SNX31: variants seen among roughly 807,000 people sequenced by gnomAD.
The protein encoded by SNX31 is sorting nexin-31.
A neutral mutation model predicts 65.4 loss-of-function variants in SNX31; 58 were observed. The observed-to-expected ratio is 0.89, with a 90% confidence interval of 0.72 to 1.10. SNX31 has a LOEUF of 1.10. SNX31 is among the 50% of genes least tolerant of loss of function. SNX31 has a pLI of 0.00. For synonymous variants in SNX31, 181 were observed against 190.1 expected, an observed-to-expected ratio of 0.95 and a Z score of 0.39; for missense variants, 523 against 529.7, an observed-to-expected ratio of 0.99 and a Z score of 0.12.
At chr8:100,581,937 C>T (rs1000008949) in intron 12 of SNX31, among the ~76,000 whole-genome samples, 21 of 152,030 alleles carry the variant, frequency 1.4e-4, no homozygotes, top group Admixed American at 1.0e-3. Flanking sequence ...AGATAAAATT[C>T]GAGATTAAAA....
chr8:100,649,194 C>T lies in SNX31; in HGVS notation c.141+80G>A, dbSNP rs1819855352. On this transcript the variant is annotated intron_variant, in intron 2 of 13. Transcript: ENST00000311812. Reference sequence around the variant, plus strand: ...GAAAGGCCCAGTGTCTTGCCAGAGTCAGAGGAACAGAGCGCTTTGGGGACA... The same window carrying T: ...GAAAGGCCCAGTGTCTTGCCAGAGTTAGAGGAACAGAGCGCTTTGGGGACA... 7.0e-6 allele frequency: 10 copies of T among 1,425,038 alleles called. No homozygotes were observed. In the Admixed American group the frequency reaches 1.0e-4, roughly 15 times the overall value. The allele number at this position is 1,425,038 out of a possible 1,614,324, so 88.3% of individuals were successfully genotyped here.
chr8:100,597,040 T>A (rs1815163103), intron 9 of SNX31, among the ~76,000 whole-genome samples, 198 bp from the exon 10 acceptor site: 1 of 152,152 alleles, frequency 6.6e-6, no homozygotes. Flanking sequence ...CGGGGGAAAT[T>A]CATGGAGTGT....
At chr8:100,653,696 C>T (rs1175018069), upstream of SNX31, among the ~76,000 whole-genome samples, 1 of 152,210 alleles carries the variant, frequency 6.6e-6, no homozygotes, top group Non-Finnish European at 1.5e-5. Flanking sequence ...TCGTAAGCCA[C>T]CCAGTTTGAG....
At chr8:100,595,601 G>T (rs1200636277) in intron 10 of SNX31, among the ~76,000 whole-genome samples, 1 of 152,192 alleles carries the variant, frequency 6.6e-6, no homozygotes, top group African/African-American at 2.4e-5. Flanking sequence ...TAGGGTCAGA[G>T]AAAGAGAAAA....
rs994244359 is a variant in SNX31 at position 100,609,434 on chromosome 8, C to G, written c.612-871G>C. Among the ~76,000 whole-genome samples the G allele has an allele frequency of 6.6e-6, 1 of 152,196 alleles. No homozygotes were observed. ...TGTGAAGAACCCCAAGGCCAGGGGC[C>G]TATCCAGAGTTGCCCCTCTGAATCT... On this transcript the variant is annotated intron_variant, in intron 7 of 13. Coordinates refer to ENST00000311812, the MANE Select transcript of SNX31 (RefSeq NM_152628.4). The surrounding 1 kb of genome is among the most constrained non-coding windows in gnomAD (Gnocchi z 4.9).
At position 100,626,190 on chromosome 8, in the gene SNX31, T is replaced by A; in HGVS notation, c.321+4137A>T. Among the ~76,000 whole-genome samples, 1 of 152,160 alleles carries A rather than the reference T, an allele frequency of 6.6e-6. No individual in the cohort carries two copies. The highest frequency in any genetic ancestry group is 1.9e-4 in the East Asian group (1 of 5,200). ...GTGACTACCTCATATCTATTAACAT[T>A]GTGCCGGATGATATGCTTTAAGGGT... On this transcript the variant is annotated intron_variant, in intron 4 of 13. Coordinates refer to ENST00000311812, the MANE Select transcript of SNX31 (RefSeq NM_152628.4). The surrounding 1 kb of genome is among the most constrained non-coding windows in gnomAD (Gnocchi z 4.4).
At position 100,630,375 on chromosome 8, in the gene SNX31, G is replaced by A. The variant is rs774524193; in HGVS notation, c.273C>T (p.Asn91=). The change falls in exon 4 of 14, where the codon AAC becomes AAT. Residue 91 remains asparagine, a synonymous_variant. Transcript: ENST00000311812. The surrounding 1 kb of genome is among the most constrained non-coding windows in gnomAD (Gnocchi z 5.3). ...CAACGAAGACATCACTTCTCAACAC[G>A]TTTGGGTCCATGGTTACTGAAAAAC... ...QYLQNVTMDP[N]VLRSDVFVEF... is the part of the protein sequence containing the mutation. The A allele has an allele frequency of 6.2e-7, 1 of 1,613,248 alleles. No homozygotes were observed. Among genetic ancestry groups the A allele is most frequent in the African/African-American group, 1.3e-5 (1 of 74,860 alleles).
chr8:100,650,649 C>T (rs202069062), upstream of SNX31, among the ~76,000 whole-genome samples: 2 of 152,238 alleles, frequency 1.3e-5, no homozygotes, highest in East Asian at 3.9e-4. Flanking sequence ...TATGCTATGC[C>T]ATTTAATTTT....
chr8:100,612,358 C>T lies in SNX31; in HGVS notation c.524-271G>A, dbSNP rs1004847072. Among the ~76,000 whole-genome samples the T allele has an allele frequency of 2.0e-5, 3 of 152,088 alleles. No individual in the cohort carries two copies. Among genetic ancestry groups the T allele is most frequent in the East Asian group, 1.9e-4 (1 of 5,188 alleles). The stretch of plus-strand genomic sequence containing the variant: ...TAGATCCGGAGACATCCAGCGCCTT[C>T]GCAGCTCACCGCAGGGCCTAGCAGC... On this transcript the variant is annotated intron_variant, in intron 6 of 13. Transcript: ENST00000311812. This position sits in a 1 kb window ranked among gnomAD's most constrained non-coding sequence, Gnocchi z 4.3.
Position 100,595,615 on chromosome 8 carries a change from A to C in SNX31, c.978+1024T>G, listed in dbSNP as rs1211997174. On this transcript the variant is annotated intron_variant, in intron 10 of 13. Coordinates refer to ENST00000311812, the MANE Select transcript of SNX31 (RefSeq NM_152628.4). ...GTAGGGTCAGAGAAAGAGAAAAGTC[A>C]GAGATAACTTCAAGATTTCTGGTTT... Among the ~76,000 whole-genome samples the C allele has an allele frequency of 2.0e-5, 3 of 152,216 alleles. No individual in the cohort carries two copies. In the East Asian group the frequency reaches 5.8e-4, roughly 29 times the overall value.
chr8:100,586,119 C>T (rs542155972), intron 11 of SNX31, among the ~76,000 whole-genome samples: 1 of 152,282 alleles, frequency 6.6e-6, no homozygotes, highest in African/African-American at 2.4e-5. Context: ...TGGTGTTTCA[C>T]CATGTTGGCC....
chr8:100,577,188 G>A, intron 12 of SNX31, 113 bp from the exon 13 acceptor site: 2 of 889,396 alleles, frequency 2.2e-6, no homozygotes, highest in Non-Finnish European at 1.8e-6. Context: ...TCGTCCCAAA[G>A]GCTGCCGGTC....
intron 9 of SNX31, 32 bp from the exon 10 acceptor site, chr8:100,596,874 G>A: frequency 1.3e-6 from 2 of 1,596,426 alleles, no homozygotes; most frequent in Non-Finnish European, 1.7e-6. Context: ...GGGGGGAGGG[G>A]AGGCAAGAGG....
intron 3 of SNX31, among the ~76,000 whole-genome samples, chr8:100,631,438 T>C (rs1158354433): frequency 5.4e-5 from 3 of 55,530 alleles, no homozygotes; most frequent in Admixed American, 1.7e-4. Flanking sequence ...GCTGTTTTAC[T>C]TTTTTTTTTT....
At chr8:100,627,543 A>T (rs1818125162) in intron 4 of SNX31, among the ~76,000 whole-genome samples, 1 of 152,166 alleles carries the variant, frequency 6.6e-6, no homozygotes, top group Admixed American at 6.5e-5. Flanking sequence ...ACGTCAATTT[A>T]AAAAAATTTT....
Position 100,593,169 on chromosome 8 carries a change from G to A in SNX31, c.978+3470C>T, listed in dbSNP as rs552250039. The stretch of plus-strand genomic sequence containing the variant: ...CCATTGAATCGTATACTTTATATGG[G>A]TGAATTGTATGGTATGTGAATTATA... On this transcript the variant is annotated intron_variant, in intron 10 of 13. Coordinates refer to ENST00000311812, the MANE Select transcript of SNX31 (RefSeq NM_152628.4). Among the ~76,000 whole-genome samples the A allele has an allele frequency of 2.6e-5, 4 of 152,262 alleles. No individual in the cohort carries two copies. The South Asian group carries it at 8.3e-4, about 32-fold the overall frequency.
In SNX31 at chr8:100,613,200, G is replaced by C; in HGVS notation, c.433-115C>G. ...CACATCAATAAAAAATGCTGTCATG[G>C]GTTAGTGAACACTCAAAGAAAGCTT... On this transcript the variant is annotated intron_variant, in intron 5 of 13. Coordinates refer to ENST00000311812, the MANE Select transcript of SNX31 (RefSeq NM_152628.4). This position sits in a 1 kb window ranked among gnomAD's most constrained non-coding sequence, Gnocchi z 5.2. The C allele has an allele frequency of 1.3e-6, 1 of 768,638 alleles. No homozygotes were observed. Among genetic ancestry groups the C allele is most frequent in the South Asian group, 1.7e-5 (1 of 60,430 alleles). 47.6% of individuals were successfully genotyped at this position (768,638 alleles called of 1,614,324 possible). A position where few individuals can be genotyped will look rare whatever the true frequency, so the allele number is the denominator to read the frequency against.
chr8:100,643,506 T>C (rs1819416698), intron 2 of SNX31, among the ~76,000 whole-genome samples: 1 of 152,222 alleles, frequency 6.6e-6, no homozygotes, highest in South Asian at 2.1e-4. Flanking sequence ...GCTCAGAGTC[T>C]GGGTGGTGGC....
Position 100,594,139 on chromosome 8 carries a change from C to T in SNX31, c.978+2500G>A, listed in dbSNP as rs111423237. ...ACAACGTGGTGAAACCTCATCTCTA[C>T]TAAAAATACAAAAAATTAGCCCTGC... is the stretch of plus-strand genomic sequence containing the variant. On this transcript the variant is annotated intron_variant, in intron 10 of 13. Coordinates refer to ENST00000311812, the MANE Select transcript of SNX31 (RefSeq NM_152628.4). The surrounding 1 kb of genome is among the most constrained non-coding windows in gnomAD (Gnocchi z 4.0). Among the ~76,000 whole-genome samples the T allele has an allele frequency of 5.3e-3, 812 of 152,084 alleles. 6 individuals are homozygous for T. Among genetic ancestry groups the T allele is most frequent in the African/African-American group, 0.018 (767 of 41,460 alleles).
Sources: gnomAD v4.1 joint callset for allele counts (sites outside exome capture counted in the v4.1 genomes callset) on GRCh38, gnomAD v4.1.1 for gene constraint, Gnocchi (gnomAD v3.1) non-coding constraint, MANE v1.5 for transcripts, NCBI Gene and HGNC (gene_info 2026-07-23, HGNC 2026-07-21) for gene names.